Variants in CSMD1 observed in about 807,000 individuals in gnomAD.
The protein encoded by CSMD1 is CUB and sushi domain-containing protein 1.
Under a neutral mutation model 417.5 loss-of-function variants are expected in CSMD1, and 213 were observed. The ratio of observed to expected loss-of-function variants is 0.51; its 90% CI spans 0.46 to 0.57. The LOEUF (loss-of-function observed/expected upper bound fraction) is 0.57, where lower values mean the gene tolerates loss of function less well. Among genes scored for constraint, CSMD1 ranks in the 20% least tolerant of loss-of-function variants. CSMD1 has a pLI of 0.00. For synonymous variants in CSMD1, 2,862 were observed against 1,736.8 expected (o/e 1.65, Z -16.11); for missense variants, 6,923 against 4,529.7 (o/e 1.53, Z -15.17).
At chr8:3,785,863 A>T (rs1799429671) in intron 5 of CSMD1, among the ~76,000 whole-genome samples, 1 of 152,204 alleles carries the variant, frequency 6.6e-6, no homozygotes, top group Non-Finnish European at 1.5e-5. Flanking sequence ...AGAGCAATTA[A>T]AGAGGGATAT....
intron 5 of CSMD1, among the ~76,000 whole-genome samples, chr8:3,980,417 T>A (rs1247189467): frequency 1.3e-5 from 2 of 152,188 alleles, no homozygotes; most frequent in Non-Finnish European, 2.9e-5. Flanking sequence ...TTCTTCCCAC[T>A]TCTATGGTCA....
At chr8:4,778,294 T>G (rs754958058) in intron 1 of CSMD1, among the ~76,000 whole-genome samples, 2 of 152,152 alleles carry the variant, frequency 1.3e-5, no homozygotes, top group Non-Finnish European at 2.9e-5. Context: ...ATTTTGCAAA[T>G]AAAAAGGTCA....
chr8:4,939,568 T>C (rs557085387), intron 1 of CSMD1, among the ~76,000 whole-genome samples: 1 of 152,164 alleles, frequency 6.6e-6, no homozygotes, highest in Non-Finnish European at 1.5e-5. Context: ...CACATGATCT[T>C]GCTTACATGT....
chr8:4,147,360 G>A (rs937676128), intron 3 of CSMD1, among the ~76,000 whole-genome samples: 10 of 151,926 alleles, frequency 6.6e-5, no homozygotes, highest in African/African-American at 1.9e-4. Flanking sequence ...TCTTCCCTCA[G>A]TCCTCAGTGG....
intron 5 of CSMD1, among the ~76,000 whole-genome samples, chr8:3,771,742 T>C (rs1440045506): frequency 1.3e-5 from 2 of 152,136 alleles, no homozygotes; most frequent in Non-Finnish European, 2.9e-5. Context: ...TGACATTGAC[T>C]GTGTGTGTTC....
chr8:4,123,717 T>C (rs138591833), intron 3 of CSMD1, among the ~76,000 whole-genome samples: 226 of 152,286 alleles, frequency 1.5e-3, no homozygotes, highest in African/African-American at 5.2e-3. Context: ...TTGGAAGAAG[T>C]CACATTGTAG....
chr8:4,300,846 C>A (rs1797945630), intron 3 of CSMD1, among the ~76,000 whole-genome samples: 1 of 152,108 alleles, frequency 6.6e-6, no homozygotes, highest in South Asian at 2.1e-4. Flanking sequence ...CATCCATGTC[C>A]CTACAAAGGA....
chr8:4,379,271 G>T (rs888542972), intron 3 of CSMD1, among the ~76,000 whole-genome samples: 2 of 152,108 alleles, frequency 1.3e-5, no homozygotes, highest in African/African-American at 4.8e-5. Context: ...AAAAATAGGT[G>T]ACCAGAAATC....
intron 26 of CSMD1, among the ~76,000 whole-genome samples, chr8:3,274,874 C>T (rs1802155189): frequency 1.3e-5 from 2 of 152,118 alleles, no homozygotes; most frequent in Non-Finnish European, 2.9e-5. Context: ...GGTCTTGACT[C>T]TGTGTCCAGT....
At chr8:4,154,990 A>C (rs553311493) in intron 3 of CSMD1, among the ~76,000 whole-genome samples, 3 of 152,202 alleles carry the variant, frequency 2.0e-5, no homozygotes, top group Non-Finnish European at 2.9e-5. Context: ...TACTCCAGAA[A>C]CACGACTGCA....
chr8:4,463,114 A>T (rs967265676), intron 2 of CSMD1, among the ~76,000 whole-genome samples: 6 of 152,246 alleles, frequency 3.9e-5, no homozygotes, highest in African/African-American at 1.4e-4. Context: ...CAAATTACCA[A>T]GTATGGGCAC....
intron 2 of CSMD1, among the ~76,000 whole-genome samples, chr8:4,565,836 C>A (rs889053288): frequency 2.0e-5 from 3 of 147,418 alleles, no homozygotes; most frequent in Admixed American, 6.8e-5. Flanking sequence ...GACACGCACA[C>A]ACACACAAAT....
intron 2 of CSMD1, among the ~76,000 whole-genome samples, chr8:4,457,812 C>G (rs778395627): frequency 1.2e-4 from 18 of 152,122 alleles, no homozygotes. Flanking sequence ...TTCTCACCAC[C>G]TCAGCACCCT....
At chr8:3,606,386 T>A (rs1359660858) in intron 8 of CSMD1, among the ~76,000 whole-genome samples, 1 of 152,178 alleles carries the variant, frequency 6.6e-6, no homozygotes, top group Admixed American at 6.5e-5. Context: ...GTTACTGTAC[T>A]GAGTACTGTA....
intron 5 of CSMD1, among the ~76,000 whole-genome samples, chr8:3,764,888 G>C (rs890042954): frequency 1.3e-5 from 2 of 151,748 alleles, no homozygotes; most frequent in Non-Finnish European, 2.9e-5. Flanking sequence ...TTGGGATTAA[G>C]GTGACTGCCA....
At chr8:4,401,730 A>T (rs1193195387) in intron 3 of CSMD1, among the ~76,000 whole-genome samples, 1 of 151,946 alleles carries the variant, frequency 6.6e-6, no homozygotes, top group African/African-American at 2.4e-5. Context: ...TTCCCTTAAC[A>T]TTCCACCTGA....
chr8:3,714,435 T>G (rs925394844), intron 6 of CSMD1, among the ~76,000 whole-genome samples: 1 of 151,358 alleles, frequency 6.6e-6, no homozygotes, highest in East Asian at 1.9e-4. Context: ...GTATTTAGAC[T>G]TTTTTGACCA....
At chr8:3,106,418 T>G in intron 46 of CSMD1, 110 bp downstream of exon 46, 1 of 630,940 alleles carries the variant, frequency 1.6e-6, no homozygotes, top group Non-Finnish European at 2.6e-6. Context: ...AAATAAATAA[T>G]AAACAAATAA....
At chr8:3,293,783 G>T (rs1015095161) in intron 25 of CSMD1, among the ~76,000 whole-genome samples, 4 of 152,134 alleles carry the variant, frequency 2.6e-5, no homozygotes, top group African/African-American at 9.7e-5. Context: ...ACTTCCTCCT[G>T]TAGCTCAGAG....
Sources: allele counts gnomAD v4.1 joint callset (sites outside exome capture counted in the v4.1 genomes callset), GRCh38; gene constraint gnomAD v4.1.1; transcripts MANE v1.5; gene names NCBI Gene and HGNC (gene_info 2026-07-23, HGNC 2026-07-21).